Variants in ABHD12 observed in about 807,000 individuals in gnomAD.
ABHD12 encodes the protein abhydrolase domain containing 12, lysophospholipase.
A neutral mutation model predicts 58.3 loss-of-function variants in ABHD12; 43 were observed. The ratio of observed to expected loss-of-function variants is 0.74; its 90% confidence interval spans 0.58 to 0.95. The LOEUF (loss-of-function observed/expected upper bound fraction) is 0.95, where lower values mean the gene tolerates loss of function less well. Ranked by LOEUF, ABHD12 falls within the 40% of genes least tolerant of loss-of-function variation. The pLI, the probability that ABHD12 is intolerant of heterozygous loss-of-function variation, is 0.00. For missense variants in ABHD12, 539 were observed against 537.2 expected (o/e 1.00, Z -0.03); for synonymous variants, 219 against 211.2 (o/e 1.04, Z -0.32).
intron 1 of ABHD12, among the ~76,000 whole-genome samples, chr20:25,373,408 G>T (rs1428385275): frequency 1.3e-5 from 2 of 152,100 alleles, no homozygotes; most frequent in Non-Finnish European, 2.9e-5. Context: ...TCAGCCGGGT[G>T]TGGTGGCGGG....
At chr20:25,327,005 C>T (rs980818893) in intron 2 of ABHD12, among the ~76,000 whole-genome samples, 4 of 152,252 alleles carry the variant, frequency 2.6e-5, no homozygotes, top group African/African-American at 7.2e-5. Context: ...CGTGGATCCC[C>T]AGCCATGCCT....
intron 1 of ABHD12, among the ~76,000 whole-genome samples, chr20:25,375,310 T>C (rs1003821944): frequency 1.3e-5 from 2 of 152,234 alleles, no homozygotes; most frequent in African/African-American, 2.4e-5. Flanking sequence ...ACACCTGGAA[T>C]TTCCCACTAC....
intron 1 of ABHD12, among the ~76,000 whole-genome samples, chr20:25,344,684 G>A (rs2089495698): frequency 6.6e-6 from 1 of 152,148 alleles, no homozygotes; most frequent in Non-Finnish European, 1.5e-5. Flanking sequence ...TATATGGAAA[G>A]GCAAAAGACT....
Position 25,390,552 on chromosome 20 carries a change from C to A in ABHD12, c.152G>T (p.Arg51Leu). Residue 51 changes from arginine to leucine, a missense_variant, in exon 1 of 13, where the codon CGC (arginine) becomes CTC (leucine). Arg to Leu is a moderately radical substitution (Grantham distance 102). Transcript: ENST00000339157. Reference protein sequence around the residue: ...RLTGPAAAEPRCAADAGMKRA... With the variant: ...RLTGPAAAEPLCAADAGMKRA... ...CTTCATTCCCGCGTCGGCTGCGCAGCGCGGCTCAGCCGCCGCCGGGCCCGT... is the reference window on the plus strand; with the variant it reads ...CTTCATTCCCGCGTCGGCTGCGCAGAGCGGCTCAGCCGCCGCCGGGCCCGT... The A allele has an allele frequency of 6.8e-7, 1 of 1,469,840 alleles. No homozygotes were observed. Among genetic ancestry groups the A allele is most frequent in the Non-Finnish European group, 9.0e-7 (1 of 1,117,134 alleles). The allele number at this position is 1,469,840 out of a possible 1,614,324, so 91.0% of individuals were successfully genotyped here. A position where few individuals can be genotyped will look rare whatever the true frequency, so the allele number is the denominator to read the frequency against.
chr20:25,359,655 C>T (rs2089718606), intron 1 of ABHD12, among the ~76,000 whole-genome samples: 1 of 151,858 alleles, frequency 6.6e-6, no homozygotes, highest in Non-Finnish European at 1.5e-5. Flanking sequence ...CTGCAACCTC[C>T]ATCTCCCAGG....
chr20:25,298,467 C>G (rs1396120136), downstream of ABHD12, among the ~76,000 whole-genome samples: 2 of 152,216 alleles, frequency 1.3e-5, no homozygotes, highest in African/African-American at 2.4e-5. Context: ...GTTGGCCAGG[C>G]TGGTCTCAAA....
intron 1 of ABHD12, among the ~76,000 whole-genome samples, chr20:25,357,276 CT>C (rs1367902550): frequency 9.2e-5 from 14 of 152,244 alleles, no homozygotes; most frequent in African/African-American, 3.4e-4. Flanking sequence ...CGAAAGTCCC[CT>C]GGCCATCCAG....
chr20:25,374,663 T>C (rs981736358), intron 1 of ABHD12, among the ~76,000 whole-genome samples: 12 of 152,116 alleles, frequency 7.9e-5, no homozygotes, highest in Non-Finnish European at 8.8e-5. Context: ...CCGGCTAATT[T>C]TGTAATTTTA....
chr20:25,314,319 T>C (rs2088919962), intron 6 of ABHD12, among the ~76,000 whole-genome samples: 1 of 152,138 alleles, frequency 6.6e-6, no homozygotes, highest in Non-Finnish European at 1.5e-5. Flanking sequence ...AAGACAAGCT[T>C]TGATGAGCAT....
chr20:25,308,366 C>G, intron 8 of ABHD12, 91 bp downstream of exon 8: 3 of 1,495,360 alleles, frequency 2.0e-6, no homozygotes, highest in Non-Finnish European at 2.7e-6. Context: ...TCATGCTGCT[C>G]CATGAGGACG....
intron 2 of ABHD12, among the ~76,000 whole-genome samples, chr20:25,323,834 C>T (rs1253705495): frequency 6.6e-6 from 1 of 152,176 alleles, no homozygotes; most frequent in Non-Finnish European, 1.5e-5. Flanking sequence ...GCTGGGGAGG[C>T]TGAGCCTGCG....
At chr20:25,316,985 C>A in intron 5 of ABHD12, 63 bp downstream of exon 5, 1 of 1,455,408 alleles carries the variant, frequency 6.9e-7, no homozygotes, top group Non-Finnish European at 9.6e-7. Flanking sequence ...CTGGTGACTC[C>A]CTTCACTTCC....
At chr20:25,327,389 C>G (rs1347594580) in intron 2 of ABHD12, among the ~76,000 whole-genome samples, 3 of 151,926 alleles carry the variant, frequency 2.0e-5, no homozygotes, top group African/African-American at 7.3e-5. Flanking sequence ...ATTGCTTGAA[C>G]CCGGGAGTCA....
intron 1 of ABHD12, chr20:25,339,561 G>A: frequency 7.0e-7 from 1 of 1,430,248 alleles, no homozygotes; most frequent in Non-Finnish European, 9.6e-7. Flanking sequence ...ACTCTACTGG[G>A]GGTAAGAGGA....
At chr20:25,364,822 C>A (rs951076077) in intron 1 of ABHD12, among the ~76,000 whole-genome samples, 3 of 152,234 alleles carry the variant, frequency 2.0e-5, no homozygotes, top group African/African-American at 4.8e-5. Context: ...TGGGCAAACA[C>A]TCTCACACCG....
At chr20:25,339,827 G>A (rs2089431758) in intron 1 of ABHD12, 1 of 1,148,660 alleles carries the variant, frequency 8.7e-7, no homozygotes, top group Non-Finnish European at 1.1e-6. Context: ...GAACCTGCCT[G>A]ACCAGGTCCT....
At chr20:25,309,054 G>A (rs1219975081) in intron 7 of ABHD12, among the ~76,000 whole-genome samples, 5 of 152,220 alleles carry the variant, frequency 3.3e-5, no homozygotes, top group Admixed American at 1.3e-4. Flanking sequence ...CCGCAGAGAC[G>A]TGGACCTCGC....
chr20:25,374,904 C>T (rs1377322093), intron 1 of ABHD12, among the ~76,000 whole-genome samples: 1 of 152,196 alleles, frequency 6.6e-6, no homozygotes, highest in Non-Finnish European at 1.5e-5. Flanking sequence ...AGTTTCCTCC[C>T]ACTCTGCATG....
intron 2 of ABHD12, among the ~76,000 whole-genome samples, chr20:25,333,716 A>C (rs1438835608): frequency 6.6e-6 from 1 of 152,036 alleles, no homozygotes; most frequent in Admixed American, 6.6e-5. Context: ...CCACATGATT[A>C]TCTCAATAGA....
Sources: allele counts gnomAD v4.1 joint callset (sites outside exome capture counted in the v4.1 genomes callset), GRCh38; gene constraint gnomAD v4.1.1; transcripts MANE v1.5; gene names NCBI Gene and HGNC (gene_info 2026-07-23, HGNC 2026-07-21).